GAP43: variants seen among roughly 807,000 people sequenced by gnomAD.
The protein encoded by GAP43 is neuromodulin.
In GAP43, 6 loss-of-function variants were observed where a neutral mutation model predicts 18.6. That is an observed-to-expected ratio of 0.32 (90% CI 0.18 to 0.64). The LOEUF (loss-of-function observed/expected upper bound fraction) is 0.64, where lower values mean the gene tolerates loss of function less well. Among genes scored for constraint, GAP43 ranks in the 30% least tolerant of loss-of-function variants. The probability of loss-of-function intolerance (pLI) is 0.78; values close to 1 mark genes in which losing one functional copy is unlikely to be tolerated. For synonymous variants in GAP43, 115 were observed against 111.4 expected (o/e 1.03, Z -0.20); for missense variants, 292 against 295.5 (o/e 0.99, Z 0.09).
intron 2 of GAP43, among the ~76,000 whole-genome samples, chr3:115,679,986 C>T (rs1708940773): frequency 6.6e-6 from 1 of 152,078 alleles, no homozygotes; most frequent in Non-Finnish European, 1.5e-5. Context: ...TATTGCCATT[C>T]CCTGAATAGA....
At chr3:115,664,092 G>T in intron 1 of GAP43, among the ~76,000 whole-genome samples, 1 of 152,100 alleles carries the variant, frequency 6.6e-6, no homozygotes, top group Non-Finnish European at 1.5e-5. Flanking sequence ...TCTTAGAATT[G>T]AATTAGTTAA....
At chr3:115,689,561 A>G (rs1709078048) in intron 2 of GAP43, among the ~76,000 whole-genome samples, 1 of 152,328 alleles carries the variant, frequency 6.6e-6, no homozygotes, top group South Asian at 2.1e-4. Flanking sequence ...AATTTTATAC[A>G]TCAGCAACTT....
intron 1 of GAP43, among the ~76,000 whole-genome samples, 198 bp downstream of exon 1, chr3:115,623,917 T>C (rs1708149321): frequency 6.6e-6 from 1 of 152,196 alleles, no homozygotes; most frequent in Admixed American, 6.5e-5. Flanking sequence ...ATGCTGCTAC[T>C]AATTAGGGTG....
intron 1 of GAP43, among the ~76,000 whole-genome samples, chr3:115,649,901 A>G (rs1708502109): frequency 6.6e-6 from 1 of 152,082 alleles, no homozygotes; most frequent in Non-Finnish European, 1.5e-5. Flanking sequence ...CCCTCAGTGA[A>G]GAACTTTGGC....
intron 1 of GAP43, among the ~76,000 whole-genome samples, chr3:115,654,566 C>T (rs1426787001): frequency 1.3e-5 from 2 of 152,170 alleles, no homozygotes; most frequent in Non-Finnish European, 2.9e-5. Context: ...ACGAATCACA[C>T]ACAGTCACAC....
intron 1 of GAP43, chr3:115,663,531 G>A (rs927243760): frequency 1.6e-5 from 20 of 1,250,154 alleles, no homozygotes; most frequent in Non-Finnish European, 2.0e-5. Context: ...AATTAAAAGG[G>A]AACCTGGTCT....
chr3:115,648,718 A>T (rs375069459), intron 1 of GAP43, among the ~76,000 whole-genome samples: 1 of 152,130 alleles, frequency 6.6e-6, no homozygotes, highest in East Asian at 1.9e-4. Flanking sequence ...AAGGGTTAGA[A>T]AGAAAAGAGC....
At chr3:115,719,760 A>G (rs1440204741) in intron 2 of GAP43, among the ~76,000 whole-genome samples, 2 of 152,196 alleles carry the variant, frequency 1.3e-5, no homozygotes, top group Non-Finnish European at 2.9e-5. Flanking sequence ...GCTGAGTCCC[A>G]TGAGTCCTCC....
chr3:115,711,227 CAT>C (rs1709433346), intron 2 of GAP43, among the ~76,000 whole-genome samples: 1 of 152,118 alleles, frequency 6.6e-6, no homozygotes, highest in South Asian at 2.1e-4. Flanking sequence ...TCTTCACGGT[CAT>C]ATGTGTGTGT....
chr3:115,671,790 G>A (rs1708817562), intron 1 of GAP43, among the ~76,000 whole-genome samples: 2 of 152,148 alleles, frequency 1.3e-5, no homozygotes, highest in South Asian at 4.1e-4. Context: ...TGACTTTTTA[G>A]CCATTAGATA....
At chr3:115,653,539 C>T (rs1008055673) in intron 1 of GAP43, among the ~76,000 whole-genome samples, 9 of 152,084 alleles carry the variant, frequency 5.9e-5, no homozygotes, top group Non-Finnish European at 7.4e-5. Context: ...CTTTGTGTGG[C>T]GGGGTGAAAT....
intron 1 of GAP43, among the ~76,000 whole-genome samples, chr3:115,652,353 A>ATTTT (rs1254160169): frequency 5.2e-5 from 3 of 58,044 alleles, no homozygotes; most frequent in East Asian, 5.0e-4. Context: ...CTTATCCAGC[A>ATTTT]TTCTTTTTTT....
At chr3:115,677,706 T>C (rs375985024) in intron 2 of GAP43, among the ~76,000 whole-genome samples, 4 of 152,250 alleles carry the variant, frequency 2.6e-5, no homozygotes, top group African/African-American at 9.6e-5. Flanking sequence ...GTTTAACCAA[T>C]GATGTTTGTC....
At chr3:115,698,648 GA>G (rs1378657171) in intron 2 of GAP43, among the ~76,000 whole-genome samples, 1 of 151,880 alleles carries the variant, frequency 6.6e-6, no homozygotes, top group Non-Finnish European at 1.5e-5. Flanking sequence ...ATACTTAGGT[GA>G]CAAGAGAGAT....
chr3:115,625,807 G>T (rs950246093), intron 1 of GAP43, among the ~76,000 whole-genome samples: 1 of 152,110 alleles, frequency 6.6e-6, no homozygotes, highest in African/African-American at 2.4e-5. Context: ...GTAGAAATTC[G>T]CATGTAAATG....
intron 1 of GAP43, among the ~76,000 whole-genome samples, chr3:115,670,250 G>A (rs1411612810): frequency 7.2e-6 from 1 of 138,768 alleles, no homozygotes; most frequent in African/African-American, 2.7e-5. Flanking sequence ...TGCGGTGTTT[G>A]GTTTTTTGTT....
At chr3:115,652,626 T>C (rs1482591957) in intron 1 of GAP43, among the ~76,000 whole-genome samples, 1 of 152,064 alleles carries the variant, frequency 6.6e-6, no homozygotes, top group Non-Finnish European at 1.5e-5. Context: ...GTTCAAGTGA[T>C]CCTCCCACCC....
At chr3:115,659,182 A>G (rs1708625859) in intron 1 of GAP43, among the ~76,000 whole-genome samples, 1 of 152,164 alleles carries the variant, frequency 6.6e-6, no homozygotes. Flanking sequence ...GAAACTAAAC[A>G]GCAATGCTCT....
At chr3:115,671,284 C>T (rs13061529) in intron 1 of GAP43, among the ~76,000 whole-genome samples, 109,937 of 152,154 alleles carry the variant, frequency 0.72, 40,003 homozygotes, top group East Asian at 0.86. Flanking sequence ...ATGTTGGATA[C>T]TTAAGTAATT....
Sources: allele counts gnomAD v4.1 joint callset (sites outside exome capture counted in the v4.1 genomes callset), GRCh38; gene constraint gnomAD v4.1.1; transcripts MANE v1.5; gene names NCBI Gene and HGNC (gene_info 2026-07-23, HGNC 2026-07-21).